CENPU: variants seen among roughly 807,000 people sequenced by gnomAD.
CENPU encodes the protein KSHV latent nuclear antigen interacting protein 1.
Under a neutral mutation model 56.7 loss-of-function variants are expected in CENPU, and 46 were observed. The ratio of observed to expected loss-of-function variants is 0.81; its 90% confidence interval spans 0.64 to 1.04. The LOEUF (loss-of-function observed/expected upper bound fraction) is 1.04, where lower values mean the gene tolerates loss of function less well. Ranked by LOEUF, CENPU falls within the 50% of genes least tolerant of loss-of-function variation. The probability of loss-of-function intolerance (pLI) is 0.00; values close to 1 mark genes in which losing one functional copy is unlikely to be tolerated. For synonymous variants in CENPU, 166 were observed against 163.0 expected (o/e 1.02, Z -0.14); for missense variants, 510 against 490.1 (o/e 1.04, Z -0.38).
chr4:184,733,838 G>T (rs1306789366), intron 1 of CENPU, among the ~76,000 whole-genome samples, 178 bp downstream of exon 1: 1 of 152,266 alleles, frequency 6.6e-6, no homozygotes, highest in African/African-American at 2.4e-5. Flanking sequence ...GCCCGTGCAG[G>T]TGGGATCACT....
chr4:184,716,769 G>A lies in CENPU; in HGVS notation c.382-136C>T, dbSNP rs373613715. 3.0e-5 allele frequency: 21 copies of A among 694,450 alleles called. No individual in the cohort carries two copies. In the East Asian group the frequency reaches 3.2e-4, roughly 11 times the overall value. 43.0% of individuals were successfully genotyped at this position (694,450 alleles called of 1,614,324 possible). A position where few individuals can be genotyped will look rare whatever the true frequency, so the allele number is the denominator to read the frequency against. On this transcript the variant is annotated intron_variant, in intron 5 of 12. Transcript: ENST00000281453. ...TCAAAATTGAACATAATAGGAAGAC[G>A]GCAACTTAATTAGTGGATAGGACAG...
chr4:184,716,956 T>C (rs1252107775), intron 5 of CENPU, among the ~76,000 whole-genome samples, 180 bp downstream of exon 5: 10 of 152,206 alleles, frequency 6.6e-5, no homozygotes, highest in Non-Finnish European at 1.5e-4. Flanking sequence ...AATATTTTGG[T>C]TTTTACTATA....
Position 184,716,631 on chromosome 4 carries a change from T to A in CENPU, c.384A>T (p.Pro128=), listed in dbSNP as rs767242248. ...IESVKISAKK[P]GRKLRPISDD... ...CACTAATGGGCCTGAGCTTTCTTCC[T>A]GGCTGTGTGAAAGAAAAAACAGCAG... The change falls in exon 6 of 13, where the codon CCA becomes CCT. Residue 128 remains proline, a splice_region_variant and synonymous_variant. Coordinates refer to ENST00000281453, the MANE Select transcript of CENPU (RefSeq NM_024629.4). 5.6e-6 allele frequency: 9 copies of A among 1,611,582 alleles called. No homozygotes were observed. The highest frequency in any genetic ancestry group is 7.6e-6 in the Non-Finnish European group (9 of 1,178,732).
Position 184,733,303 on chromosome 4 carries a change from C to G in CENPU, c.47+713G>C, listed in dbSNP as rs1033892206. On this transcript the variant is annotated intron_variant, in intron 1 of 12. Transcript: ENST00000281453. ...AACCCCGCATCTACCAGCACCTCCT[C>G]CTCCAGGCAGCCTTCCCAGGCCCGG... The G allele has an allele frequency of 9.1e-6, 9 of 986,332 alleles. No individual in the cohort carries two copies. In the African/African-American group the frequency reaches 1.4e-4, roughly 15 times the overall value. The allele number at this position is 986,332 out of a possible 1,614,324, so 61.1% of individuals were successfully genotyped here.
At chr4:184,730,133 C>T (rs1049386460) in intron 2 of CENPU, among the ~76,000 whole-genome samples, 33 of 152,208 alleles carry the variant, frequency 2.2e-4, no homozygotes, top group African/African-American at 8.0e-4. Flanking sequence ...ATTCCAGGCA[C>T]TCTGGGCTTC....
At chr4:184,697,503 C>T (rs747137286) in intron 12 of CENPU, 144 bp downstream of exon 12, 1 of 735,376 alleles carries the variant, frequency 1.4e-6, no homozygotes, top group South Asian at 1.8e-5. Context: ...TGAAGTTTCA[C>T]TGGCTTATAG....
At chr4:184,721,457 TAAAAAAAAAA>T (rs138476894) in intron 4 of CENPU, among the ~76,000 whole-genome samples, 1 of 74,554 alleles carries the variant, frequency 1.3e-5, no homozygotes, top group African/African-American at 6.7e-5. Context: ...TGGCTGATTG[TAAAAAAAAAA>T]AAAAAAAAAA....
intron 2 of CENPU, 103 bp from the exon 3 acceptor site, chr4:184,729,138 C>T: frequency 1.2e-6 from 1 of 865,740 alleles, no homozygotes; most frequent in South Asian, 1.5e-5. Flanking sequence ...CCTAAGGAAG[C>T]AATCCTTATG....
chr4:184,699,151 C>A (rs1314656708), intron 11 of CENPU, among the ~76,000 whole-genome samples: 2 of 151,844 alleles, frequency 1.3e-5, no homozygotes, highest in Non-Finnish European at 2.9e-5. Flanking sequence ...CATGGTGAAA[C>A]CCTGTCTCTA....
chr4:184,724,872 T>C lies in CENPU; in HGVS notation c.320+85A>G. 3.4e-6 allele frequency: 3 copies of C among 876,270 alleles called. No individual in the cohort carries two copies. The South Asian group carries it at 5.5e-5, about 16-fold the overall frequency. The allele number at this position is 876,270 out of a possible 1,614,324, so 54.3% of individuals were successfully genotyped here. On this transcript the variant is annotated intron_variant, in intron 4 of 12. Coordinates refer to ENST00000281453, the MANE Select transcript of CENPU (RefSeq NM_024629.4). ...GTTGGCTCAAAGGATCTTGAAATGC[T>C]TTTGTTTTATTAGCTTCTATCTTAA...
chr4:184,699,356 A>AAATAGAAT (rs60530775), intron 11 of CENPU, among the ~76,000 whole-genome samples: 2 of 151,704 alleles, frequency 1.3e-5, no homozygotes, highest in African/African-American at 4.8e-5. Flanking sequence ...ATAAATAAAT[A>AAATAGAAT]AAATAAACTT....
intron 10 of CENPU, among the ~76,000 whole-genome samples, chr4:184,701,770 T>C (rs1319012086): frequency 1.3e-5 from 2 of 152,228 alleles, no homozygotes; most frequent in Non-Finnish European, 2.9e-5. Flanking sequence ...TCCATGTAAG[T>C]GGTCATTTTG....
At chr4:184,726,019 T>A (rs139234744) in intron 3 of CENPU, among the ~76,000 whole-genome samples, 100 of 152,284 alleles carry the variant, frequency 6.6e-4, no homozygotes, top group Admixed American at 1.5e-3. Flanking sequence ...CAAGCAACCA[T>A]TTCTTCATGC....
intron 11 of CENPU, among the ~76,000 whole-genome samples, chr4:184,699,049 T>C (rs1760437547): frequency 6.6e-6 from 1 of 152,112 alleles, no homozygotes; most frequent in Non-Finnish European, 1.5e-5. Context: ...CGTCTCAGGC[T>C]GGGCGCGGTG....
At chr4:184,719,939 C>T (rs865894826) in intron 4 of CENPU, among the ~76,000 whole-genome samples, 64 of 152,290 alleles carry the variant, frequency 4.2e-4, no homozygotes, top group African/African-American at 1.5e-3. Flanking sequence ...CCAATGACTA[C>T]AATAAATACC....
At chr4:184,731,046 C>A in intron 1 of CENPU, 78 bp from the exon 2 acceptor site, 4 of 1,033,332 alleles carry the variant, frequency 3.9e-6, no homozygotes, top group East Asian at 3.0e-5. Context: ...TGACCCTTTC[C>A]GCGCATTTTT....
chr4:184,701,937 C>T (rs761325134), intron 10 of CENPU, 152 bp downstream of exon 10: 27 of 619,604 alleles, frequency 4.4e-5, no homozygotes, highest in Middle Eastern at 7.5e-4. Context: ...TAATACCAAC[C>T]GTATCAACCA....
At position 184,734,037 on chromosome 4, in the gene CENPU, G is replaced by GGCC. The variant is rs757193964; in HGVS notation, c.23_25dup (p.Arg8dup). ...TTACCCCTCAGACCTGTGAGGCCGC[G>GGCC]GCCGCCGCCGCCCCCGCGGGGCCAT... On this transcript the variant is annotated inframe_insertion, in exon 1 of 13. Transcript: ENST00000281453. 1.5e-5 allele frequency: 24 copies of GGCC among 1,580,164 alleles called. No individual in the cohort carries two copies. Among genetic ancestry groups the GGCC allele is most frequent in the Admixed American group, 9.2e-5 (5 of 54,206 alleles).
rs186446933 is a variant in CENPU, at chr4:184,702,830, T to C, written c.798-389A>G. Reference sequence around the variant, plus strand: ...TAAGTAAGAACACGCGGTATTTGGCTTTCTGTTCCTGCAATAATTCACTTG... The same window carrying C: ...TAAGTAAGAACACGCGGTATTTGGCCTTCTGTTCCTGCAATAATTCACTTG... On this transcript the variant is annotated intron_variant, in intron 8 of 12. Transcript: ENST00000281453. Among the ~76,000 whole-genome samples the C allele has an allele frequency of 1.4e-4, 22 of 152,334 alleles. No homozygotes were observed. In the East Asian group the frequency reaches 4.0e-3, roughly 28 times the overall value.
Sources: allele counts gnomAD v4.1 joint callset (sites outside exome capture counted in the v4.1 genomes callset), GRCh38; gene constraint gnomAD v4.1.1; transcripts MANE v1.5; gene names NCBI Gene and HGNC (gene_info 2026-07-23, HGNC 2026-07-21).